The following ADGRV1 variants were observed in gnomAD, a reference collection of about 807,000 sequenced individuals.
ADGRV1 encodes G-protein coupled receptor 98.
In ADGRV1, 359 loss-of-function variants were observed where a neutral mutation model predicts 596.2. The ratio of observed to expected loss-of-function variants is 0.60; its 90% CI spans 0.55 to 0.66. The LOEUF is 0.66. ADGRV1 is among the 30% of genes least tolerant of loss of function. The pLI is 0.00. For synonymous variants in ADGRV1, 2,681 were observed against 2,679.2 expected, an observed-to-expected ratio of 1.00 and a Z score of -0.02; for missense variants, 7,274 against 7,575.6, an observed-to-expected ratio of 0.96 and a Z score of 1.48.
intron 50 of ADGRV1, among the ~76,000 whole-genome samples, chr5:90,736,297 C>A (rs1162800436): frequency 6.6e-6 from 1 of 151,972 alleles, no homozygotes; most frequent in Non-Finnish European, 1.5e-5. Flanking sequence ...TATATTGAAC[C>A]ATCCATAAAT....
intron 84 of ADGRV1, among the ~76,000 whole-genome samples, chr5:90,970,169 G>C (rs570567564): frequency 8.9e-4 from 135 of 152,332 alleles, no homozygotes; most frequent in African/African-American, 2.8e-3. Context: ...CAGCAGCGAG[G>C]CTGGGGGAGG....
intron 83 of ADGRV1, among the ~76,000 whole-genome samples, chr5:90,907,058 A>C (rs1772392755): frequency 6.6e-6 from 1 of 152,202 alleles, no homozygotes; most frequent in African/African-American, 2.4e-5. Context: ...CCAAGTTAAG[A>C]TACATATATG....
chr5:90,851,439 C>T (rs1766517257), intron 79 of ADGRV1, among the ~76,000 whole-genome samples: 1 of 152,096 alleles, frequency 6.6e-6, no homozygotes, highest in African/African-American at 2.4e-5. Context: ...AGATGCTGAA[C>T]ATTCTGATAT....
intron 4 of ADGRV1, among the ~76,000 whole-genome samples, chr5:90,619,775 C>T (rs141178450): frequency 0.019 from 2,805 of 145,732 alleles, 92 homozygotes; most frequent in African/African-American, 0.062. Flanking sequence ...CAACAGACGC[C>T]GGTGTGTGAT....
chr5:91,088,219 A>G (rs149009026), intron 86 of ADGRV1, among the ~76,000 whole-genome samples: 1 of 152,334 alleles, frequency 6.6e-6, no homozygotes, highest in Non-Finnish European at 1.5e-5. Context: ...AGTAATTGAA[A>G]TAAACATCAT....
intron 59 of ADGRV1, 35 bp downstream of exon 59, chr5:90,763,504 C>T (rs1042684103): frequency 1.0e-5 from 16 of 1,566,474 alleles, no homozygotes; most frequent in African/African-American, 1.4e-5. Context: ...TAATTTTTCC[C>T]CAATTTGTCT....
At chr5:90,678,741 C>A (rs1348887704) in intron 25 of ADGRV1, among the ~76,000 whole-genome samples, 1 of 150,968 alleles carries the variant, frequency 6.6e-6, no homozygotes, top group Admixed American at 6.6e-5. Context: ...GAACCCACTC[C>A]CAGGATAACA....
Position 90,810,431 on chromosome 5 carries a change from T to C in ADGRV1, c.15171T>C (p.Pro5057=). The C allele has an allele frequency of 6.2e-7, 1 of 1,613,868 alleles. No homozygotes were observed. Among genetic ancestry groups the C allele is most frequent in the Middle Eastern group, 1.6e-4 (1 of 6,062 alleles). ...GSAKPLEDFE[P]VQNGELFFQK... ...CCAAGCCACTGGAAGATTTTGAGCC[T>C]GTTCAGAATGGGGAACTGTTTTTTC... The change falls in exon 74 of 90, where the codon CCT becomes CCC. Residue 5057 remains proline (P), a synonymous_variant. Coordinates refer to ENST00000405460, the MANE Select transcript of ADGRV1 (RefSeq NM_032119.4).
intron 53 of ADGRV1, among the ~76,000 whole-genome samples, chr5:90,753,345 A>G (rs1425235163): frequency 6.6e-6 from 1 of 151,002 alleles, no homozygotes; most frequent in Non-Finnish European, 1.5e-5. Flanking sequence ...ATTTGGCTGC[A>G]TTTTTTTTTA....
At chr5:90,565,563 C>T (rs1755535772) in intron 1 of ADGRV1, among the ~76,000 whole-genome samples, 1 of 152,144 alleles carries the variant, frequency 6.6e-6, no homozygotes, top group African/African-American at 2.4e-5. Flanking sequence ...GGATATGCCA[C>T]CTTTCATTTA....
At chr5:90,648,939 T>A (rs1768197453) in intron 17 of ADGRV1, among the ~76,000 whole-genome samples, 1 of 152,178 alleles carries the variant, frequency 6.6e-6, no homozygotes, top group African/African-American at 2.4e-5. Context: ...AAAAATAATT[T>A]TAGTGAAGTA....
chr5:90,818,552 T>C (rs1269595293), intron 75 of ADGRV1, among the ~76,000 whole-genome samples: 1 of 150,808 alleles, frequency 6.6e-6, no homozygotes, highest in Non-Finnish European at 1.5e-5. Context: ...GCTGTGGGTT[T>C]GTCATAGATA....
At chr5:90,801,204 A>G (rs920591701) in intron 70 of ADGRV1, among the ~76,000 whole-genome samples, 2 of 152,180 alleles carry the variant, frequency 1.3e-5, no homozygotes, top group African/African-American at 4.8e-5. Context: ...TTTTTAAATT[A>G]ATCTAACCTC....
chr5:90,719,657 A>G (rs1434892714), intron 43 of ADGRV1, among the ~76,000 whole-genome samples: 9 of 152,140 alleles, frequency 5.9e-5, no homozygotes, highest in Admixed American at 2.6e-4. Flanking sequence ...GAACGTTCGG[A>G]TGTTTCTAAT....
At chr5:90,681,623 T>A (rs1041799867) in intron 27 of ADGRV1, among the ~76,000 whole-genome samples, 169 bp downstream of exon 27, 13 of 152,194 alleles carry the variant, frequency 8.5e-5, no homozygotes, top group African/African-American at 3.1e-4. Flanking sequence ...TGGCATTTAT[T>A]TTTGTCTTTA....
At chr5:90,920,011 A>AAAAAG (rs1561940429) in intron 83 of ADGRV1, among the ~76,000 whole-genome samples, 1 of 151,784 alleles carries the variant, frequency 6.6e-6, no homozygotes, top group Admixed American at 6.6e-5. Flanking sequence ...AAAAAAAAAA[A>AAAAAG]AAAAGAAAAA....
intron 21 of ADGRV1, among the ~76,000 whole-genome samples, chr5:90,659,300 A>C (rs953538845): frequency 6.6e-6 from 1 of 152,216 alleles, no homozygotes; most frequent in East Asian, 1.9e-4. Context: ...GAACTTCTAC[A>C]TATTACATTT....
chr5:90,654,964 AC>A (rs1178213427), intron 20 of ADGRV1: 1 of 152,166 alleles, frequency 6.6e-6, no homozygotes, highest in African/African-American at 2.4e-5. Flanking sequence ...CCTCTGACTT[AC>A]TGCAGAGGAA....
At chr5:91,147,569 T>A (rs1278953702) in intron 87 of ADGRV1, among the ~76,000 whole-genome samples, 1 of 152,208 alleles carries the variant, frequency 6.6e-6, no homozygotes. Context: ...GCATTCTCTC[T>A]CCTGCCTCCC....
Sources: allele counts gnomAD v4.1 joint callset (sites outside exome capture counted in the v4.1 genomes callset), GRCh38; gene constraint gnomAD v4.1.1; transcripts MANE v1.5; gene names NCBI Gene and HGNC (gene_info 2026-07-23, HGNC 2026-07-21).